PARL: variants seen among roughly 807,000 people sequenced by gnomAD.
PARL encodes presenilin-associated rhomboid-like protein, mitochondrial.
PARL carries 44 observed loss-of-function variants against 51.6 expected under a neutral mutation model. The observed-to-expected ratio is 0.85, with a 90% CI of 0.67 to 1.10. The LOEUF (loss-of-function observed/expected upper bound fraction) is 1.10, where lower values mean the gene tolerates loss of function less well. Among genes scored for constraint, PARL ranks in the 50% least tolerant of loss-of-function variants. PARL has a pLI of 0.00. For synonymous variants in PARL, 172 were observed against 164.0 expected, an observed-to-expected ratio of 1.05 and a Z score of -0.37; for missense variants, 441 against 469.5, an observed-to-expected ratio of 0.94 and a Z score of 0.56.
Position 183,884,770 on chromosome 3 carries a change from C to G in PARL, c.77G>C (p.Cys26Ser). 6.3e-7 allele frequency: 1 copy of G among 1,583,492 alleles called. No homozygotes were observed. The highest frequency in any genetic ancestry group is 1.1e-5 in the South Asian group (1 of 88,554). Residue 26 changes from cysteine (C) to serine (S), a missense_variant, in exon 1 of 10, where the codon TGC becomes TCC. Cys to Ser is a moderately radical substitution (Grantham distance 112, BLOSUM62 -1). Transcript: ENST00000317096. ...AWGASVGGRS[C>S]EELTAVLTPP... ...GGTTAGGACCGCAGTGAGCTCCTCGCAGCTGCGGCCGCCCACCGACGCACC... is the reference window on the plus strand; with the variant it reads ...GGTTAGGACCGCAGTGAGCTCCTCGGAGCTGCGGCCGCCCACCGACGCACC...
At chr3:183,855,971 CA>C (rs576215027) in intron 4 of PARL, among the ~76,000 whole-genome samples, 17 of 145,002 alleles carry the variant, frequency 1.2e-4, no homozygotes, top group African/African-American at 1.5e-4. Flanking sequence ...AATAAACAAA[CA>C]AAAAAAAAAA....
At chr3:183,842,807 C>CAAAA (rs370931513) in intron 5 of PARL, among the ~76,000 whole-genome samples, 8,067 of 53,870 alleles carry the variant, frequency 0.15, 906 homozygotes, top group East Asian at 0.38. Context: ...GACTCTATCT[C>CAAAA]AAAAAAAAAA....
intron 4 of PARL, among the ~76,000 whole-genome samples, chr3:183,858,009 C>T (rs1199360018): frequency 6.6e-6 from 1 of 152,138 alleles, no homozygotes; most frequent in Non-Finnish European, 1.5e-5. Context: ...CGTTCCTTGC[C>T]CCATCTGAGA....
chr3:183,843,308 A>G, intron 5 of PARL: 1 of 985,142 alleles, frequency 1.0e-6, no homozygotes, highest in Non-Finnish European at 1.2e-6. Flanking sequence ...AGTTGATTAG[A>G]AAAAAATAAG....
At chr3:183,828,804 A>G (rs1446288281), downstream of PARL, among the ~76,000 whole-genome samples, 2 of 152,176 alleles carry the variant, frequency 1.3e-5, no homozygotes, top group Admixed American at 1.3e-4. Context: ...AAGACTAAAA[A>G]TTCTCCTGTA....
intron 4 of PARL, among the ~76,000 whole-genome samples, chr3:183,851,596 C>T (rs1240611365): frequency 6.6e-6 from 1 of 152,050 alleles, no homozygotes; most frequent in Non-Finnish European, 1.5e-5. Flanking sequence ...CAGTGATACA[C>T]CCCTTCACAC....
chr3:183,850,595 A>G (rs183374161), intron 4 of PARL, among the ~76,000 whole-genome samples: 32 of 152,364 alleles, frequency 2.1e-4, no homozygotes, highest in Admixed American at 1.2e-3. Context: ...AAAGAGAATT[A>G]ACACCAATCC....
At position 183,884,855 on chromosome 3, in the gene PARL, C is replaced by A; in HGVS notation, c.-9G>T. ...CAGCCTCGCCACGCCATCTTCCCAA[C>A]CTCTGCCCCACCATGGCCCGACCTT... On this transcript the variant is annotated 5_prime_UTR_variant, in exon 1 of 10. Coordinates refer to ENST00000317096, the MANE Select transcript of PARL (RefSeq NM_018622.7). 6.3e-7 allele frequency: 1 copy of A among 1,597,116 alleles called. No homozygotes were observed.
At chr3:183,875,992 A>G (rs1329117510) in intron 1 of PARL, among the ~76,000 whole-genome samples, 2 of 152,148 alleles carry the variant, frequency 1.3e-5, no homozygotes, top group Non-Finnish European at 2.9e-5. Context: ...CGAACAACAA[A>G]GCCTAGATTA....
intron 4 of PARL, chr3:183,862,533 G>T (rs1408937493): frequency 3.7e-6 from 2 of 547,822 alleles, no homozygotes; most frequent in Non-Finnish European, 6.6e-6. Flanking sequence ...TGATCAATCA[G>T]TATCATACTA....
chr3:183,860,112 C>T (rs184012929), intron 4 of PARL, among the ~76,000 whole-genome samples: 20 of 151,254 alleles, frequency 1.3e-4, no homozygotes, highest in Admixed American at 4.6e-4. Context: ...GAAAGTGGGA[C>T]GGAGTAGACC....
chr3:183,831,457 C>A (rs1185688429), intron 9 of PARL, among the ~76,000 whole-genome samples: 2 of 152,210 alleles, frequency 1.3e-5, no homozygotes, highest in Non-Finnish European at 2.9e-5. Flanking sequence ...CGCAAGCCAG[C>A]CCTCATCTGA....
At chr3:183,852,094 T>C (rs1285752082) in intron 4 of PARL, among the ~76,000 whole-genome samples, 3 of 152,070 alleles carry the variant, frequency 2.0e-5, no homozygotes, top group African/African-American at 7.2e-5. Flanking sequence ...CAGGTTGAGG[T>C]TGTAGTGAGC....
chr3:183,876,488 T>C (rs1733821934), intron 1 of PARL, among the ~76,000 whole-genome samples: 1 of 152,056 alleles, frequency 6.6e-6, no homozygotes, highest in African/African-American at 2.4e-5. Flanking sequence ...AATATTGTTT[T>C]CATGCCTGCT....
chr3:183,844,529 C>T (rs1729728393), intron 4 of PARL: 1 of 532,984 alleles, frequency 1.9e-6, no homozygotes, highest in African/African-American at 1.9e-5. Context: ...TCACAGAATT[C>T]CTGGGAAATT....
intron 3 of PARL, among the ~76,000 whole-genome samples, chr3:183,864,363 A>G (rs1198847249): frequency 6.6e-6 from 1 of 152,024 alleles, no homozygotes; most frequent in Non-Finnish European, 1.5e-5. Flanking sequence ...ATATCAACCT[A>G]CTCTCCAGAT....
At chr3:183,881,312 G>A (rs1310079893) in intron 1 of PARL, among the ~76,000 whole-genome samples, 1 of 151,660 alleles carries the variant, frequency 6.6e-6, no homozygotes, top group Non-Finnish European at 1.5e-5. Flanking sequence ...AGTAGAGACG[G>A]GTTTTCACCA....
intron 1 of PARL, among the ~76,000 whole-genome samples, chr3:183,871,163 A>ATGGTACTATACTCAAAGTAAGG (rs1413403065): frequency 5.3e-5 from 8 of 152,172 alleles, no homozygotes; most frequent in South Asian, 2.1e-4. Flanking sequence ...TCAAAGTAAG[A>ATGGTACTATACTCAAAGTAAGG]TGGTACTATA....
chr3:183,871,583 C>A (rs1733222447), intron 1 of PARL, among the ~76,000 whole-genome samples: 1 of 150,160 alleles, frequency 6.7e-6, no homozygotes, highest in African/African-American at 2.4e-5. Flanking sequence ...ATGGATAACT[C>A]TCAAAAACAC....
Sources: allele counts gnomAD v4.1 joint callset (sites outside exome capture counted in the v4.1 genomes callset), GRCh38; gene constraint gnomAD v4.1.1; transcripts MANE v1.5; gene names NCBI Gene and HGNC (gene_info 2026-07-23, HGNC 2026-07-21).